Variants in PGAP3 observed in about 807,000 individuals in gnomAD.
PGAP3 encodes the protein GPI-specific phospholipase A2-like PGAP3.
PGAP3 carries 31 observed loss-of-function variants against 40.3 expected under a neutral mutation model. That is an observed-to-expected ratio of 0.77 (90% CI 0.58 to 1.04). PGAP3 has a LOEUF of 1.04. Among genes scored for constraint, PGAP3 ranks in the 50% least tolerant of loss-of-function variants. The pLI, the probability that PGAP3 is intolerant of heterozygous loss-of-function variation, is 0.00. For synonymous variants in PGAP3, 191 were observed against 184.5 expected (o/e 1.04, Z -0.29); for missense variants, 413 against 423.0 (o/e 0.98, Z 0.21).
intron 1 of PGAP3, among the ~76,000 whole-genome samples, chr17:39,686,841 G>A (rs2057543623): frequency 6.6e-6 from 1 of 152,074 alleles, no homozygotes; most frequent in South Asian, 2.1e-4. Flanking sequence ...TCAAGATGTT[G>A]GCATCTGATG....
rs531839833 is a variant in PGAP3, at chr17:39,684,906, G to A, written c.280-157C>T. On this transcript the variant is annotated intron_variant, in intron 2 of 7. Coordinates refer to ENST00000300658, the MANE Select transcript of PGAP3 (RefSeq NM_033419.5). The stretch of plus-strand genomic sequence containing the variant: ...AGGTTCAGTACCTCTTCAGACTAAT[G>A]AGCCACCCTCCAGTGCCTAGTTAAG... The A allele has an allele frequency of 4.5e-5, 38 of 850,396 alleles. No homozygotes were observed. The South Asian group carries it at 5.2e-4, about 12-fold the overall frequency. 52.7% of individuals were successfully genotyped at this position (850,396 alleles called of 1,614,324 possible). A position where few individuals can be genotyped will look rare whatever the true frequency, so the allele number is the denominator to read the frequency against.
chr17:39,672,943 G>C, intron 7 of PGAP3, 77 bp from the exon 8 acceptor site: 1 of 1,586,130 alleles, frequency 6.3e-7, no homozygotes, highest in Non-Finnish European at 8.6e-7. Flanking sequence ...GGTGCATGCA[G>C]GCAAGGTGGG....
intron 3 of PGAP3, among the ~76,000 whole-genome samples, chr17:39,681,403 A>C (rs950632965): frequency 1.3e-5 from 2 of 152,188 alleles, no homozygotes; most frequent in African/African-American, 4.8e-5. Flanking sequence ...AGCTGCGTTA[A>C]ACAAAAATTA....
intron 1 of PGAP3, 146 bp from the exon 2 acceptor site, chr17:39,686,165 T>G: frequency 1.5e-6 from 1 of 647,744 alleles, no homozygotes; most frequent in Non-Finnish European, 2.7e-6. Flanking sequence ...GCTTCCCCTT[T>G]GAATGAATGA....
At chr17:39,683,100 A>C (rs1336795183) in intron 3 of PGAP3, among the ~76,000 whole-genome samples, 1 of 151,992 alleles carries the variant, frequency 6.6e-6, no homozygotes, top group Non-Finnish European at 1.5e-5. Flanking sequence ...AAAATAAAAT[A>C]AAATCCCTCC....
In PGAP3 at chr17:39,673,122, C is replaced by G. The variant is rs375997053; in HGVS notation, c.828G>C (p.Pro276=). ...CATGGGCATCCAGGACCCAGAAGAGCGGTGGGAAGTCAAGCAGCTCGAGCA... is the reference window on the plus strand; with the variant it reads ...CATGGGCATCCAGGACCCAGAAGAGGGGTGGGAAGTCAAGCAGCTCGAGCA... ...LSLLELLDFP[P]LFWVLDAHAI... The change falls in exon 7 of 8, where the codon CCG becomes CCC. Residue 276 remains proline (P), a synonymous_variant. Transcript: ENST00000300658. 1.2e-6 allele frequency: 2 copies of G among 1,607,550 alleles called. No individual in the cohort carries two copies. The highest frequency in any genetic ancestry group is 2.2e-5 in the South Asian group (2 of 89,526).
chr17:39,675,233 T>C (rs2057361224), intron 3 of PGAP3, among the ~76,000 whole-genome samples: 2 of 151,996 alleles, frequency 1.3e-5, no homozygotes, highest in South Asian at 4.2e-4. Context: ...TGGCTGGGCC[T>C]GCCCAACCCG....
intron 3 of PGAP3, among the ~76,000 whole-genome samples, chr17:39,677,614 G>C (rs1351509113): frequency 6.6e-6 from 1 of 152,218 alleles, no homozygotes; most frequent in Non-Finnish European, 1.5e-5. Context: ...AAGGGGGGCA[G>C]GGAGGGGAAC....
chr17:39,675,932 C>A (rs2057370480), intron 3 of PGAP3, among the ~76,000 whole-genome samples: 1 of 152,212 alleles, frequency 6.6e-6, no homozygotes, highest in African/African-American at 2.4e-5. Context: ...CTTCTCAGCC[C>A]AAGCTTCCCC....
intron 1 of PGAP3, among the ~76,000 whole-genome samples, chr17:39,686,555 A>ATTTTTTTTT (rs35277523): frequency 2.0e-5 from 2 of 98,514 alleles, no homozygotes; most frequent in African/African-American, 4.2e-5. Flanking sequence ...CGCACCCGGC[A>ATTTTTTTTT]TTTTTTTTTT....
At chr17:39,684,784 C>T in intron 2 of PGAP3, 35 bp from the exon 3 acceptor site, 1 of 1,538,832 alleles carries the variant, frequency 6.5e-7, no homozygotes, top group Non-Finnish European at 8.8e-7. Flanking sequence ...GTTTGAAGGG[C>T]AGGCAACCCT....
chr17:39,682,012 A>G (rs1171568680), intron 3 of PGAP3, among the ~76,000 whole-genome samples: 3 of 151,488 alleles, frequency 2.0e-5, no homozygotes, highest in Non-Finnish European at 2.9e-5. Flanking sequence ...CGAGATCAGG[A>G]GATCGAGACT....
chr17:39,673,230 C>T lies in PGAP3; in HGVS notation c.720G>A (p.Leu240=), dbSNP rs1246266523. 1 of 1,563,016 alleles carries T rather than the reference C, an allele frequency of 6.4e-7. No homozygotes were observed. Among genetic ancestry groups the T allele is most frequent in the Non-Finnish European group, 8.7e-7 (1 of 1,153,792 alleles). ...AIGLVNVVWW[L]AWCLWNQRRL... is the part of the protein sequence containing the mutation. ...GCCGCTGGTTCCACAGGCACCAGGC[C>T]AGCCACCACACCACGTTGACCAGGC... Residue 240 remains leucine, a synonymous_variant, in exon 7 of 8, where the codon CTG becomes CTA. Coordinates refer to ENST00000300658, the MANE Select transcript of PGAP3 (RefSeq NM_033419.5).
At chr17:39,675,308 G>A (rs2057362809) in intron 3 of PGAP3, among the ~76,000 whole-genome samples, 1 of 151,884 alleles carries the variant, frequency 6.6e-6, no homozygotes, top group South Asian at 2.1e-4. Flanking sequence ...GCTGTGGTGG[G>A]CCAGGGCCCA....
chr17:39,678,497 T>C (rs1258385002), intron 3 of PGAP3, among the ~76,000 whole-genome samples: 1 of 152,240 alleles, frequency 6.6e-6, no homozygotes, highest in African/African-American at 2.4e-5. Context: ...CAGGCCTAAA[T>C]GGCAAGGCAA....
At position 39,672,119 on chromosome 17, in the gene PGAP3, A is replaced by G. The variant is rs902347780; in HGVS notation, c.*684T>C. 1.3e-5 allele frequency: 2 copies of G among 153,212 alleles called. No individual in the cohort carries two copies. The highest frequency in any genetic ancestry group is 2.4e-5 in the African/African-American group (1 of 41,126). The allele number at this position is 153,212 out of a possible 1,614,324, so 9.5% of individuals were successfully genotyped here. A position where few individuals can be genotyped will look rare whatever the true frequency, so the allele number is the denominator to read the frequency against. ...CACCTATGCACTCAGCCTGGCCCAC[A>G]CTCCCGACACACGGTGGCAGGCTCT... On this transcript the variant is annotated 3_prime_UTR_variant, in exon 8 of 8. Transcript: ENST00000300658.
chr17:39,684,979 T>G, intron 2 of PGAP3: 1 of 519,158 alleles, frequency 1.9e-6, no homozygotes. Context: ...TAAGCCCTGA[T>G]CTCTGGGAAG....
At chr17:39,673,855 C>G in intron 5 of PGAP3, 138 bp downstream of exon 5, 1 of 1,246,632 alleles carries the variant, frequency 8.0e-7, no homozygotes, top group Non-Finnish European at 1.1e-6. Flanking sequence ...AGTCCTCACC[C>G]AGGACAGCTG....
chr17:39,674,500 A>G (rs1411046732), intron 4 of PGAP3, 117 bp downstream of exon 4: 2 of 1,162,156 alleles, frequency 1.7e-6, no homozygotes, highest in African/African-American at 3.1e-5. Context: ...TGCCCACCCC[A>G]TACTCCTCCC....
Sources: gnomAD v4.1 joint callset for allele counts (sites outside exome capture counted in the v4.1 genomes callset) on GRCh38, gnomAD v4.1.1 for gene constraint, MANE v1.5 for transcripts, NCBI Gene and HGNC (gene_info 2026-07-23, HGNC 2026-07-21) for gene names.